The following SCML4 variants were observed in gnomAD, a reference collection of about 807,000 sequenced individuals.
The protein encoded by SCML4 is sex comb on midleg-like protein 4.
Under a neutral mutation model 41.1 loss-of-function variants are expected in SCML4, and 34 were observed. The observed-to-expected ratio is 0.83, with a 90% CI of 0.63 to 1.10. The LOEUF (loss-of-function observed/expected upper bound fraction) is 1.10, where lower values mean the gene tolerates loss of function less well. Ranked by LOEUF, SCML4 falls within the 50% of genes least tolerant of loss-of-function variation. SCML4 has a pLI of 0.00. For missense variants in SCML4, 522 were observed against 534.1 expected, an observed-to-expected ratio of 0.98 and a Z score of 0.22; for synonymous variants, 214 against 220.9, an observed-to-expected ratio of 0.97 and a Z score of 0.28.
intron 1 of SCML4, among the ~76,000 whole-genome samples, chr6:107,800,402 A>C (rs1047040946): frequency 1.3e-5 from 2 of 151,930 alleles, no homozygotes; most frequent in African/African-American, 4.8e-5. Flanking sequence ...ATTTAGATTG[A>C]GTTTACCTGT....
chr6:107,837,295 T>C, the SCML4 span, among the ~76,000 whole-genome samples: 1 of 152,164 alleles, frequency 6.6e-6, no homozygotes, highest in Non-Finnish European at 1.5e-5. Context: ...GTTTATGAAA[T>C]GTGTGTATCT....
At chr6:107,778,124 A>G (rs1266595183) in intron 1 of SCML4, among the ~76,000 whole-genome samples, 2 of 147,256 alleles carry the variant, frequency 1.4e-5, no homozygotes, top group Non-Finnish European at 3.0e-5. Context: ...TTGAAGCACA[A>G]GAATCACTTG....
chr6:107,829,007 T>G (rs1231207959), upstream of SCML4, among the ~76,000 whole-genome samples: 1 of 152,226 alleles, frequency 6.6e-6, no homozygotes, highest in East Asian at 1.9e-4. Flanking sequence ...TTTTAAAATG[T>G]TCTTAATAAA....
intron 2 of SCML4, among the ~76,000 whole-genome samples, chr6:107,754,840 G>T (rs1236341922): frequency 6.6e-6 from 1 of 152,102 alleles, no homozygotes; most frequent in Non-Finnish European, 1.5e-5. Context: ...CAGGTGTATT[G>T]GCTCACACCT....
intron 5 of SCML4, among the ~76,000 whole-genome samples, chr6:107,734,934 G>T (rs1230151262): frequency 1.3e-5 from 2 of 152,098 alleles, no homozygotes; most frequent in Non-Finnish European, 2.9e-5. Context: ...GGAATGCAGT[G>T]GCACAATCTC....
chr6:107,771,203 T>C (rs118025759), intron 2 of SCML4, among the ~76,000 whole-genome samples: 1 of 152,288 alleles, frequency 6.6e-6, no homozygotes, highest in African/African-American at 2.4e-5. Flanking sequence ...GGATAAAGAT[T>C]GAATTCATTA....
rs138272642 is a variant in SCML4, at chr6:107,720,040, C to A, written c.973+663G>T. 4.7e-4 allele frequency: 465 copies of A among 985,454 alleles called. 3 individuals are homozygous for A. The East Asian group carries it at 9.4e-3, about 20-fold the overall frequency. 61.0% of individuals were successfully genotyped at this position (985,454 alleles called of 1,614,324 possible). A position where few individuals can be genotyped will look rare whatever the true frequency, so the allele number is the denominator to read the frequency against. On this transcript the variant is annotated intron_variant, in intron 6 of 7. Coordinates refer to ENST00000369020, the MANE Select transcript of SCML4 (RefSeq NM_198081.5). ...GATGAGACAGAAGTGGCATTACAACCAGCATTGGGGGAATTTTGCCTAACT... is the reference window on the plus strand; with the variant it reads ...GATGAGACAGAAGTGGCATTACAACAAGCATTGGGGGAATTTTGCCTAACT...
intron 5 of SCML4, among the ~76,000 whole-genome samples, chr6:107,728,335 G>A (rs1776198709): frequency 1.3e-5 from 2 of 152,138 alleles, no homozygotes; most frequent in Non-Finnish European, 2.9e-5. Context: ...CAGCGGCCAG[G>A]CACCGTGGCT....
intron 5 of SCML4, among the ~76,000 whole-genome samples, chr6:107,729,575 A>G (rs1259697071): frequency 6.6e-6 from 1 of 152,246 alleles, no homozygotes; most frequent in East Asian, 1.9e-4. Flanking sequence ...TACGACAACC[A>G]GTAAATGTTT....
At position 107,730,196 on chromosome 6, in the gene SCML4, A is replaced by C. The variant is rs149286439; in HGVS notation, c.683-9203T>G. 3.9e-5 allele frequency among the ~76,000 whole-genome samples: 6 copies of C among 152,346 alleles called. No homozygotes were observed. In the East Asian group the frequency reaches 1.2e-3, roughly 29 times the overall value. On this transcript the variant is annotated intron_variant, in intron 5 of 7. Coordinates refer to ENST00000369020, the MANE Select transcript of SCML4 (RefSeq NM_198081.5). ...GAAAGGACCAAGTCTGTATCTGGAG[A>C]GGGAACCCCCACTTTTCAAGCGCTT...
At chr6:107,774,673 T>C (rs533967826) in intron 1 of SCML4, among the ~76,000 whole-genome samples, 7 of 152,256 alleles carry the variant, frequency 4.6e-5, no homozygotes, top group African/African-American at 1.4e-4. Context: ...TTGTCTTTAC[T>C]GAGGAGTAAA....
At chr6:107,845,411 G>C in the SCML4 span, among the ~76,000 whole-genome samples, 1 of 152,212 alleles carries the variant, frequency 6.6e-6, no homozygotes. Context: ...ACTAGGAGGA[G>C]ATGGCATCTA....
intron 6 of SCML4, among the ~76,000 whole-genome samples, chr6:107,712,285 G>A (rs542776463): frequency 6.6e-6 from 1 of 152,296 alleles, no homozygotes; most frequent in South Asian, 2.1e-4. Context: ...CAGAGCAGAG[G>A]TCAAATCTAA....
At chr6:107,777,186 C>T (rs565682767) in intron 1 of SCML4, among the ~76,000 whole-genome samples, 30 of 152,284 alleles carry the variant, frequency 2.0e-4, no homozygotes, top group African/African-American at 6.5e-4. Flanking sequence ...GGCACAATCT[C>T]GGCTCGCTGC....
the SCML4 span, among the ~76,000 whole-genome samples, chr6:107,840,511 T>C: frequency 6.6e-6 from 1 of 152,238 alleles, no homozygotes; most frequent in Non-Finnish European, 1.5e-5. Flanking sequence ...ATGAATGCCT[T>C]CTGAGTGCCA....
At chr6:107,721,114 A>G (rs970433544) in intron 5 of SCML4, 121 bp from the exon 6 acceptor site, 2 of 1,273,660 alleles carry the variant, frequency 1.6e-6, no homozygotes, top group Non-Finnish European at 2.1e-6. Context: ...GAGCATGCAG[A>G]GAGGAGAAAT....
the SCML4 span, among the ~76,000 whole-genome samples, chr6:107,830,480 GACA>G: frequency 6.6e-6 from 1 of 152,206 alleles, no homozygotes; most frequent in Non-Finnish European, 1.5e-5. Flanking sequence ...AACTGAGAGG[GACA>G]ACATCAGGGA....
intron 2 of SCML4, among the ~76,000 whole-genome samples, chr6:107,758,818 G>T (rs1169571593): frequency 1.3e-5 from 2 of 152,138 alleles, no homozygotes; most frequent in Non-Finnish European, 2.9e-5. Context: ...CTAGCCTCCA[G>T]AAAGGATGTT....
chr6:107,745,181 C>T, intron 4 of SCML4, 38 bp from the exon 5 acceptor site: 1 of 1,449,918 alleles, frequency 6.9e-7, no homozygotes, highest in Non-Finnish European at 9.3e-7. Context: ...GAGCCGGGCA[C>T]TGGAGAAAAC....
Sources: gnomAD v4.1 joint callset for allele counts (sites outside exome capture counted in the v4.1 genomes callset) on GRCh38, gnomAD v4.1.1 for gene constraint, MANE v1.5 for transcripts, NCBI Gene and HGNC (gene_info 2026-07-23, HGNC 2026-07-21) for gene names.